The following RARS2 variants were observed in gnomAD, a reference collection of about 807,000 sequenced individuals.
RARS2 encodes probable arginine--tRNA ligase, mitochondrial.
A neutral mutation model predicts 88.5 loss-of-function variants in RARS2; 67 were observed. The observed-to-expected ratio is 0.76, with a 90% CI of 0.62 to 0.93. The LOEUF is 0.93. Ranked by LOEUF, RARS2 falls within the 40% of genes least tolerant of loss-of-function variation. The probability of loss-of-function intolerance (pLI) is 0.00; values close to 1 mark genes in which losing one functional copy is unlikely to be tolerated. For synonymous variants in RARS2, 239 were observed against 230.3 expected (o/e 1.04, Z -0.34); for missense variants, 664 against 684.2 (o/e 0.97, Z 0.33).
At chr6:87,538,130 T>C (rs1437172392) in intron 8 of RARS2, among the ~76,000 whole-genome samples, 3 of 152,228 alleles carry the variant, frequency 2.0e-5, no homozygotes, top group Non-Finnish European at 4.4e-5. Context: ...AATTTGCATA[T>C]ATAATAACCT....
chr6:87,555,069 A>G (rs2128143365), intron 5 of RARS2, among the ~76,000 whole-genome samples: 1 of 151,852 alleles, frequency 6.6e-6, no homozygotes, highest in East Asian at 1.9e-4. Context: ...TCGCCACTCC[A>G]GCCTGGGCGA....
At chr6:87,555,193 AAAT>A (rs1785493086) in intron 5 of RARS2, among the ~76,000 whole-genome samples, 1 of 152,000 alleles carries the variant, frequency 6.6e-6, no homozygotes, top group Non-Finnish European at 1.5e-5. Context: ...ATACTTAAAA[AAAT>A]AATAATTATT....
intron 12 of RARS2, among the ~76,000 whole-genome samples, chr6:87,520,513 A>G (rs1441668982): frequency 2.0e-5 from 3 of 152,188 alleles, no homozygotes; most frequent in Non-Finnish European, 4.4e-5. Context: ...TATTCTATTT[A>G]AGTTTCTGCC....
chr6:87,578,985 G>C (rs1322256971), intron 1 of RARS2, among the ~76,000 whole-genome samples: 1 of 60,006 alleles, frequency 1.7e-5, no homozygotes, highest in Non-Finnish European at 3.3e-5. Context: ...AAAAAAAAAA[G>C]ACTAATATTT....
rs181176974 is a variant in RARS2, at chr6:87,568,961, T to G, written c.110+556A>C. Among the ~76,000 whole-genome samples the G allele has an allele frequency of 9.8e-5, 15 of 152,312 alleles. No individual in the cohort carries two copies. In the East Asian group the frequency reaches 2.5e-3, roughly 25 times the overall value. On this transcript the variant is annotated intron_variant, in intron 2 of 19. Transcript: ENST00000369536. ...TTTCTACCCAAATCGTAAACAAGAA[T>G]CATTTAGGATGACCAAACTCACAAA...
intron 8 of RARS2, among the ~76,000 whole-genome samples, chr6:87,539,294 A>C (rs1381846589): frequency 6.6e-6 from 1 of 152,166 alleles, no homozygotes; most frequent in African/African-American, 2.4e-5. Flanking sequence ...CTTCAAAGAC[A>C]CTTTCCTCCC....
At chr6:87,579,201 C>T (rs998049982) in intron 1 of RARS2, among the ~76,000 whole-genome samples, 1 of 152,088 alleles carries the variant, frequency 6.6e-6, no homozygotes, top group African/African-American at 2.4e-5. Flanking sequence ...AGTCACTACA[C>T]CAGCAGTTCC....
At chr6:87,566,021 A>G (rs1389129035) in intron 2 of RARS2, among the ~76,000 whole-genome samples, 7 of 152,236 alleles carry the variant, frequency 4.6e-5, no homozygotes, top group Non-Finnish European at 1.0e-4. Context: ...CCTACTATGT[A>G]TTACACTTTG....
At chr6:87,529,758 TA>T in intron 9 of RARS2, 110 bp from the exon 10 acceptor site, 1 of 756,776 alleles carries the variant, frequency 1.3e-6, no homozygotes, top group South Asian at 1.4e-5. Flanking sequence ...ATGAACACAA[TA>T]AAAATTAAAT....
At chr6:87,552,968 CTTTAA>C (rs981925486) in intron 5 of RARS2, among the ~76,000 whole-genome samples, 20 of 152,144 alleles carry the variant, frequency 1.3e-4, no homozygotes, top group African/African-American at 3.6e-4. Context: ...GCAGTATGTC[CTTTAA>C]TTTAAAGACA....
At chr6:87,521,404 T>C in intron 12 of RARS2, 60 bp downstream of exon 12, 1 of 1,335,456 alleles carries the variant, frequency 7.5e-7, no homozygotes, top group Non-Finnish European at 1.1e-6. Context: ...TGGCATCCAA[T>C]TTCTACCTCT....
intron 5 of RARS2, among the ~76,000 whole-genome samples, chr6:87,548,970 T>C (rs1287751813): frequency 3.9e-5 from 6 of 152,104 alleles, no homozygotes; most frequent in Non-Finnish European, 8.8e-5. Context: ...TCTCAGCACT[T>C]TGGGAGACTG....
chr6:87,583,771 G>A (rs1234249153), intron 1 of RARS2, among the ~76,000 whole-genome samples: 1 of 152,176 alleles, frequency 6.6e-6, no homozygotes, highest in Non-Finnish European at 1.5e-5. Context: ...AAATAGCTAG[G>A]TTAGTAGTTC....
intron 1 of RARS2, among the ~76,000 whole-genome samples, chr6:87,575,002 G>A (rs1351280347): frequency 6.6e-6 from 1 of 151,794 alleles, no homozygotes. Flanking sequence ...AAAGAATGAA[G>A]ACTAGCAAAC....
chr6:87,530,479 G>C (rs961443761), intron 9 of RARS2, among the ~76,000 whole-genome samples: 2 of 152,200 alleles, frequency 1.3e-5, no homozygotes, highest in South Asian at 4.1e-4. Flanking sequence ...TTTATTAAAT[G>C]AATCAGTTTA....
chr6:87,521,736 G>C lies in RARS2; in HGVS notation c.975-212C>G, dbSNP rs114967883. On this transcript the variant is annotated intron_variant, in intron 11 of 19. Transcript: ENST00000369536. ...GGAAAAACAACAATAAAAACACTGG[G>C]AAAAGCAAAACCTAAAATAAATATA... 5.3e-3 allele frequency among the ~76,000 whole-genome samples: 812 copies of C among 152,002 alleles called. 3 individuals are homozygous for C. Among genetic ancestry groups the C allele is most frequent in the African/African-American group, 0.019 (779 of 41,494 alleles).
chr6:87,578,467 T>C (rs1772317829), intron 1 of RARS2, among the ~76,000 whole-genome samples: 1 of 152,078 alleles, frequency 6.6e-6, no homozygotes, highest in Non-Finnish European at 1.5e-5. Context: ...GGCATTATTT[T>C]GCAAAAATGA....
At chr6:87,534,647 G>C (rs1447470484) in intron 8 of RARS2, among the ~76,000 whole-genome samples, 1 of 152,216 alleles carries the variant, frequency 6.6e-6, no homozygotes, top group African/African-American at 2.4e-5. Flanking sequence ...AGCAGAGAGA[G>C]AGTAGAAAAG....
chr6:87,573,184 A>T lies in RARS2; in HGVS notation c.37-3594T>A, dbSNP rs547150493. On this transcript the variant is annotated intron_variant, in intron 1 of 19. Transcript: ENST00000369536. The stretch of plus-strand genomic sequence containing the variant: ...AAGCACGTATGGGGAGGCCTCAGAA[A>T]ACTCAATCATGGCAGAAAGCGAAAG... 2.6e-5 allele frequency among the ~76,000 whole-genome samples: 4 copies of T among 152,266 alleles called. No individual in the cohort carries two copies. In the South Asian group the frequency reaches 8.3e-4, roughly 32 times the overall value.
Sources: gnomAD v4.1 joint callset for allele counts (sites outside exome capture counted in the v4.1 genomes callset) on GRCh38, gnomAD v4.1.1 for gene constraint, MANE v1.5 for transcripts, NCBI Gene and HGNC (gene_info 2026-07-23, HGNC 2026-07-21) for gene names.